TMPRSS11A: variants seen among roughly 807,000 people sequenced by gnomAD.
TMPRSS11A encodes the protein transmembrane serine protease 11A.
In TMPRSS11A, 53 loss-of-function variants were observed where a neutral mutation model predicts 58.9. That is an observed-to-expected ratio of 0.90 (90% CI 0.72 to 1.13). The LOEUF (loss-of-function observed/expected upper bound fraction) is 1.13, where lower values mean the gene tolerates loss of function less well. Ranked by LOEUF, TMPRSS11A falls within the 50% of genes most tolerant of loss-of-function variation. TMPRSS11A has a pLI of 0.00. For synonymous variants in TMPRSS11A, 167 were observed against 169.8 expected, an observed-to-expected ratio of 0.98 and a Z score of 0.13; for missense variants, 493 against 499.3, an observed-to-expected ratio of 0.99 and a Z score of 0.12.
chr4:67,958,296 C>T (rs1280769661), intron 1 of TMPRSS11A, among the ~76,000 whole-genome samples: 1 of 152,228 alleles, frequency 6.6e-6, no homozygotes. Flanking sequence ...AAGCCATAGA[C>T]ACTCAATGCC....
At position 67,946,444 on chromosome 4, in the gene TMPRSS11A, A is replaced by G; in HGVS notation, c.133+6T>C. 5.0e-6 allele frequency: 8 copies of G among 1,586,322 alleles called. No individual in the cohort carries two copies. Among genetic ancestry groups the G allele is most frequent in the Non-Finnish European group, 6.0e-6 (7 of 1,169,550 alleles). Reference sequence around the variant, plus strand: ...CAAATAGAGTGAAATCTTTAATTTTACCTACCAAATACTAGGAAGTGAACC... The same window carrying G: ...CAAATAGAGTGAAATCTTTAATTTTGCCTACCAAATACTAGGAAGTGAACC... On this transcript the variant is annotated splice_donor_region_variant and intron_variant, in intron 2 of 9. Coordinates refer to ENST00000508048, the MANE Select transcript of TMPRSS11A (RefSeq NM_001114387.2).
intron 9 of TMPRSS11A, among the ~76,000 whole-genome samples, chr4:67,912,563 C>G (rs1050443054): frequency 3.3e-5 from 5 of 152,160 alleles, no homozygotes; most frequent in African/African-American, 1.2e-4. Flanking sequence ...CTTGTCTAAA[C>G]TTCTTAATTC....
In TMPRSS11A at chr4:67,948,376, T is replaced by G. The variant is rs530225883; in HGVS notation, c.12-1805A>C. 1.3e-3 allele frequency among the ~76,000 whole-genome samples: 201 copies of G among 152,156 alleles called. 1 individual carries two copies. The highest frequency in any genetic ancestry group is 4.4e-3 in the African/African-American group (183 of 41,518). ...GGTTTCATGGTGTTAGCCAGGATGG[T>G]CTCCATCTCCTGACCTGGTGATCCA... On this transcript the variant is annotated intron_variant, in intron 1 of 9. Coordinates refer to ENST00000508048, the MANE Select transcript of TMPRSS11A (RefSeq NM_001114387.2).
At chr4:67,954,136 C>G (rs1010118019) in intron 1 of TMPRSS11A, among the ~76,000 whole-genome samples, 1 of 152,140 alleles carries the variant, frequency 6.6e-6, no homozygotes, top group Non-Finnish European at 1.5e-5. Flanking sequence ...ACTTCATTTC[C>G]TCACCTATCT....
chr4:67,949,537 G>A (rs1415165572), intron 1 of TMPRSS11A, among the ~76,000 whole-genome samples: 2 of 152,130 alleles, frequency 1.3e-5, no homozygotes, highest in Non-Finnish European at 2.9e-5. Context: ...CTACTTTTAT[G>A]AATATAAACA....
chr4:67,929,733 C>A (rs574135118), intron 5 of TMPRSS11A, 147 bp downstream of exon 5: 4 of 753,886 alleles, frequency 5.3e-6, no homozygotes, highest in Non-Finnish European at 8.5e-6. Context: ...GACTAATACA[C>A]CTTGAAATGT....
chr4:67,954,536 G>A (rs1721238185), intron 1 of TMPRSS11A, among the ~76,000 whole-genome samples: 1 of 152,180 alleles, frequency 6.6e-6, no homozygotes, highest in Admixed American at 6.5e-5. Context: ...GCTATGACTG[G>A]CATTTAACTC....
At chr4:67,923,978 A>T in intron 6 of TMPRSS11A, 150 bp downstream of exon 6, 1 of 751,436 alleles carries the variant, frequency 1.3e-6, no homozygotes, top group Non-Finnish European at 2.3e-6. Context: ...TCCATGAGTT[A>T]GAAAAAAAAT....
rs374406447 is a variant in TMPRSS11A at position 67,943,106 on chromosome 4, C to T, written c.252+1413G>A. Among the ~76,000 whole-genome samples the T allele has an allele frequency of 9.9e-5, 15 of 152,144 alleles. No individual in the cohort carries two copies. The East Asian group carries it at 1.7e-3, about 18-fold the overall frequency. On this transcript the variant is annotated intron_variant, in intron 3 of 9. Transcript: ENST00000508048. ...ATAAATAATGACAACCAGAGAAGGG[C>T]CTTGCAGGTACCCATGATGATAATG...
chr4:67,914,060 C>G (rs2109732179), intron 9 of TMPRSS11A, among the ~76,000 whole-genome samples: 1 of 152,336 alleles, frequency 6.6e-6, no homozygotes, highest in Middle Eastern at 3.4e-3. Context: ...GAGACCCAAC[C>G]AATTACTTGG....
chr4:67,963,469 T>A lies in TMPRSS11A; in HGVS notation c.-76A>T. 1 of 1,451,390 alleles carries A rather than the reference T, an allele frequency of 6.9e-7. No individual in the cohort carries two copies. The highest frequency in any genetic ancestry group is 9.6e-7 in the Non-Finnish European group (1 of 1,040,618). 89.9% of individuals were successfully genotyped at this position (1,451,390 alleles called of 1,614,324 possible). A position where few individuals can be genotyped will look rare whatever the true frequency, so the allele number is the denominator to read the frequency against. Reference sequence around the variant, plus strand: ...TTTCTAATCAACTATATGACATCTCTAGATGTATTAGAAGTCTACGGCTCA... The same window carrying A: ...TTTCTAATCAACTATATGACATCTCAAGATGTATTAGAAGTCTACGGCTCA... On this transcript the variant is annotated 5_prime_UTR_variant, in exon 1 of 10. Transcript: ENST00000508048.
chr4:67,928,399 G>T (rs537761781), intron 5 of TMPRSS11A, among the ~76,000 whole-genome samples: 2 of 152,110 alleles, frequency 1.3e-5, no homozygotes, highest in South Asian at 4.1e-4. Flanking sequence ...ATTTAATTTA[G>T]TACAATTATT....
intron 3 of TMPRSS11A, among the ~76,000 whole-genome samples, chr4:67,935,948 AC>A (rs1720742252): frequency 6.6e-6 from 1 of 152,142 alleles, no homozygotes; most frequent in Admixed American, 6.5e-5. Flanking sequence ...CCATATATGC[AC>A]CAAGCACAGA....
intron 2 of TMPRSS11A, 53 bp downstream of exon 2, chr4:67,946,397 G>A (rs1344391128): frequency 1.3e-6 from 2 of 1,531,412 alleles, no homozygotes; most frequent in East Asian, 4.8e-5. Context: ...TATGTAAATG[G>A]AGCTTTGCAG....
intron 8 of TMPRSS11A, among the ~76,000 whole-genome samples, chr4:67,915,946 C>T (rs536569421): frequency 7.9e-4 from 120 of 152,272 alleles, no homozygotes; most frequent in Non-Finnish European, 4.9e-4. Flanking sequence ...TACAAGAATA[C>T]GATATATCAT....
rs770149660 is a variant in TMPRSS11A at position 67,919,105 on chromosome 4, C to T, written c.820G>A (p.Ala274Thr). The T allele has an allele frequency of 8.4e-5, 135 of 1,614,066 alleles. No homozygotes were observed. The highest frequency in any genetic ancestry group is 1.1e-4 in the Non-Finnish European group (131 of 1,180,024). Residue 274 changes from alanine (A) to threonine (T), a missense_variant, in exon 8 of 10, where the codon GCT becomes ACT. Physicochemically the swap from Ala to Thr is moderately conservative, Grantham distance 58. Transcript: ENST00000508048. Reference sequence around the variant, plus strand: ...ACTCTGGAAGAGACCTGCACAACAGCAATGTCGTACTCTCTTGCTGCAGAG... The same window carrying T: ...ACTCTGGAAGAGACCTGCACAACAGTAATGTCGTACTCTCTTGCTGCAGAG... ...YRSAAREYDI[A>T]VVQVSSRVTF...
intron 3 of TMPRSS11A, among the ~76,000 whole-genome samples, chr4:67,944,239 T>C (rs1720946618): frequency 6.6e-6 from 1 of 152,126 alleles, no homozygotes; most frequent in Admixed American, 6.6e-5. Flanking sequence ...TAGGATATCT[T>C]GGCCTCAATT....
chr4:67,940,314 T>G (rs1422306934), intron 3 of TMPRSS11A, among the ~76,000 whole-genome samples: 1 of 152,220 alleles, frequency 6.6e-6, no homozygotes, highest in African/African-American at 2.4e-5. Flanking sequence ...TGGTCCTAGC[T>G]ATTTCTTGTA....
chr4:67,961,472 C>T (rs1337486041), intron 1 of TMPRSS11A, among the ~76,000 whole-genome samples: 2 of 119,948 alleles, frequency 1.7e-5, no homozygotes, highest in Non-Finnish European at 3.2e-5. Flanking sequence ...CTTTCCTTTC[C>T]TTTTCTTTTC....
Sources: gnomAD v4.1 joint callset for allele counts (sites outside exome capture counted in the v4.1 genomes callset) on GRCh38, gnomAD v4.1.1 for gene constraint, MANE v1.5 for transcripts, NCBI Gene and HGNC (gene_info 2026-07-23, HGNC 2026-07-21) for gene names.